Variants in FAM135B observed in about 807,000 individuals in gnomAD.
The protein encoded by FAM135B is family with sequence similarity 135 member B, also known as protein FAM135B.
A neutral mutation model predicts 127.7 loss-of-function variants in FAM135B; 43 were observed. The observed-to-expected ratio is 0.34, with a 90% CI of 0.26 to 0.43. The LOEUF is 0.43. Ranked by LOEUF, FAM135B falls within the 20% of genes least tolerant of loss-of-function variation. FAM135B has a pLI of 1.00. For synonymous variants in FAM135B, 670 were observed against 665.1 expected (o/e 1.01, Z -0.11); for missense variants, 1,558 against 1,725.6 (o/e 0.90, Z 1.72).
At chr8:138,411,681 C>G (rs1025898014) in intron 1 of FAM135B, among the ~76,000 whole-genome samples, 2 of 152,024 alleles carry the variant, frequency 1.3e-5, no homozygotes. Context: ...AAAGAAACTA[C>G]CATCAGAGTG....
chr8:138,493,370 C>G (rs1444380346), intron 1 of FAM135B, among the ~76,000 whole-genome samples: 1 of 152,046 alleles, frequency 6.6e-6, no homozygotes, highest in African/African-American at 2.4e-5. Context: ...CTTCTTAGTT[C>G]TTCTTCTCTT....
At chr8:138,173,175 A>G (rs1814081957) in intron 11 of FAM135B, among the ~76,000 whole-genome samples, 1 of 152,054 alleles carries the variant, frequency 6.6e-6, no homozygotes, top group Non-Finnish European at 1.5e-5. Flanking sequence ...GTCTCCTGAA[A>G]CATACAGGAC....
chr8:138,445,756 C>T (rs929317674), intron 1 of FAM135B, among the ~76,000 whole-genome samples: 33 of 152,128 alleles, frequency 2.2e-4, no homozygotes, highest in Admixed American at 1.3e-4. Flanking sequence ...GACAGGGATG[C>T]CCTCTCTCAC....
intron 3 of FAM135B, among the ~76,000 whole-genome samples, chr8:138,300,949 A>T (rs1007967095): frequency 2.0e-5 from 3 of 151,886 alleles, no homozygotes; most frequent in African/African-American, 4.8e-5. Flanking sequence ...GCGGGGTTTC[A>T]CCATGTTGTC....
chr8:138,348,261 A>G (rs1199934605), intron 2 of FAM135B, among the ~76,000 whole-genome samples: 1 of 147,640 alleles, frequency 6.8e-6, no homozygotes, highest in Non-Finnish European at 1.5e-5. Flanking sequence ...CAGCCTTCCG[A>G]GTAGCTGAGA....
At chr8:138,394,434 T>G (rs571885229) in intron 1 of FAM135B, among the ~76,000 whole-genome samples, 1 of 152,314 alleles carries the variant, frequency 6.6e-6, no homozygotes, top group East Asian at 1.9e-4. Flanking sequence ...TTAGGTAGGC[T>G]AAGTCTCTTA....
intron 2 of FAM135B, among the ~76,000 whole-genome samples, chr8:138,320,908 C>T (rs1395293785): frequency 6.6e-6 from 1 of 152,160 alleles, no homozygotes; most frequent in Non-Finnish European, 1.5e-5. Flanking sequence ...GAGTAATATT[C>T]TATAATGGGA....
chr8:138,316,480 C>G (rs561345028), intron 2 of FAM135B, among the ~76,000 whole-genome samples: 2 of 148,704 alleles, frequency 1.3e-5, no homozygotes, highest in South Asian at 4.3e-4. Context: ...GGCGACAGAA[C>G]GAGACTCCGT....
chr8:138,234,981 T>A (rs1444534439), intron 7 of FAM135B, among the ~76,000 whole-genome samples: 1 of 152,222 alleles, frequency 6.6e-6, no homozygotes, highest in Admixed American at 6.5e-5. Context: ...TATTTAAAAT[T>A]GTATTTTTGC....
At chr8:138,368,477 T>C (rs1315417551) in intron 1 of FAM135B, among the ~76,000 whole-genome samples, 1 of 152,216 alleles carries the variant, frequency 6.6e-6, no homozygotes, top group Non-Finnish European at 1.5e-5. Flanking sequence ...AGAATAAATA[T>C]GCCACATTGA....
At chr8:138,226,130 ACAATTTTCTGGGGACC>A (rs1819408079) in intron 7 of FAM135B, among the ~76,000 whole-genome samples, 2 of 149,566 alleles carry the variant, frequency 1.3e-5, no homozygotes, top group South Asian at 4.2e-4. Flanking sequence ...CTAAAAAAAT[ACAATTTTCTGGGGACC>A]CACCGTGTGT....
intron 1 of FAM135B, among the ~76,000 whole-genome samples, chr8:138,462,760 T>C (rs1016037138): frequency 2.0e-5 from 3 of 151,994 alleles, no homozygotes; most frequent in Non-Finnish European, 4.4e-5. Context: ...AGCACCAGCG[T>C]GAGGTGCAAA....
At chr8:138,140,021 T>C (rs895508588) in intron 17 of FAM135B, among the ~76,000 whole-genome samples, 3 of 152,232 alleles carry the variant, frequency 2.0e-5, no homozygotes, top group Non-Finnish European at 2.9e-5. Context: ...GTAAAGTCTG[T>C]CTTTTTAAAA....
At chr8:138,135,304 AAC>A (rs1202833896) in intron 19 of FAM135B, among the ~76,000 whole-genome samples, 1 of 152,204 alleles carries the variant, frequency 6.6e-6, no homozygotes, top group Non-Finnish European at 1.5e-5. Context: ...TGCACAAAGA[AAC>A]AGTTTGGCTG....
At chr8:138,471,915 G>T (rs1346937710) in intron 1 of FAM135B, among the ~76,000 whole-genome samples, 3 of 152,124 alleles carry the variant, frequency 2.0e-5, no homozygotes, top group Admixed American at 2.0e-4. Flanking sequence ...AAATAGTGAA[G>T]AGAAGTGATT....
chr8:138,170,514 G>A (rs181837797), intron 11 of FAM135B, among the ~76,000 whole-genome samples: 17 of 152,230 alleles, frequency 1.1e-4, no homozygotes, highest in Admixed American at 5.9e-4. Flanking sequence ...GAGCCACCGC[G>A]CCCGGCCCAC....
chr8:138,452,631 A>G (rs1836561985), intron 1 of FAM135B, among the ~76,000 whole-genome samples: 1 of 152,156 alleles, frequency 6.6e-6, no homozygotes. Flanking sequence ...GCAATTATAA[A>G]CAATAACCAC....
intron 1 of FAM135B, 141 bp from the exon 2 acceptor site, chr8:138,368,143 C>T (rs1313564654): frequency 3.2e-6 from 2 of 621,162 alleles, no homozygotes; most frequent in Non-Finnish European, 5.7e-6. Context: ...ACTCAGGGTT[C>T]CTTTTATGGA....
intron 2 of FAM135B, among the ~76,000 whole-genome samples, chr8:138,363,490 TG>T (rs1293025825): frequency 6.6e-6 from 1 of 152,178 alleles, no homozygotes; most frequent in East Asian, 1.9e-4. Context: ...CCTGACTTTT[TG>T]TCAGCATGAG....
Sources: gnomAD v4.1 joint callset for allele counts (sites outside exome capture counted in the v4.1 genomes callset) on GRCh38, gnomAD v4.1.1 for gene constraint, MANE v1.5 for transcripts, NCBI Gene and HGNC (gene_info 2026-07-23, HGNC 2026-07-21) for gene names.